TTN: variants seen among roughly 807,000 people sequenced by gnomAD.
TTN encodes the protein titin, also known as connectin.
Under a neutral mutation model 3,223.0 loss-of-function variants are expected in TTN, and 1,525 were observed. The ratio of observed to expected loss-of-function variants is 0.47; its 90% CI spans 0.45 to 0.49. TTN has a LOEUF of 0.49. TTN is among the 20% of genes least tolerant of loss of function. The pLI is 0.00. For synonymous variants in TTN, 14,094 were observed against 15,161.0 expected, an observed-to-expected ratio of 0.93 and a Z score of 5.17; for missense variants, 40,786 against 43,424.0, an observed-to-expected ratio of 0.94 and a Z score of 5.40.
rs876657614 is a variant in TTN, at chr2:178,774,928, A to T, written c.6783T>A (p.Ile2261=). The T allele has an allele frequency of 6.2e-7, 1 of 1,613,740 alleles. No individual in the cohort carries two copies. ...DENVKTTAKL[I]VEGAVVEFVK... ...TCCTTCGTTGTTGAATACCTTCAAC[A>T]ATAAGTTTAGCAGTCGTTTTGACAT... Residue 2261 remains isoleucine, a synonymous_variant, in exon 29 of 363, where the codon ATT becomes ATA. Coordinates refer to ENST00000589042, the MANE Select transcript of TTN (RefSeq NM_001267550.2).
chr2:178,764,594 TGCC>T lies in TTN; in HGVS notation c.9918_9920del (p.Ala3307del). ...CATTCTTGGCTTCACAGGTATAGAC[TGCC>T]GCATCCTCTGGGAAGGCTTCAATTA... On this transcript the variant is annotated inframe_deletion, in exon 42 of 363. Transcript: ENST00000589042. The T allele has an allele frequency of 6.2e-7, 1 of 1,614,160 alleles. No individual in the cohort carries two copies. Among genetic ancestry groups the T allele is most frequent in the South Asian group, 1.1e-5 (1 of 91,078 alleles).
In TTN at chr2:178,647,413, A is replaced by G. The variant is rs904655100; in HGVS notation, c.40109T>C (p.Ile13370Thr). 38 of 1,549,646 alleles carry G rather than the reference A, an allele frequency of 2.5e-5. No individual in the cohort carries two copies. The highest frequency in any genetic ancestry group is 2.4e-4 in the Admixed American group (12 of 50,926). Reference protein sequence around the residue: ...IIPEKEVSVPIPAEPEVPPAE... With the variant: ...IIPEKEVSVPTPAEPEVPPAE... Reference sequence around the variant, plus strand: ...AGGTGGAACTTCTGGCTCTGCAGGGATAGGCACAGACACTTCCTTTTCTGG... The same window carrying G: ...AGGTGGAACTTCTGGCTCTGCAGGGGTAGGCACAGACACTTCCTTTTCTGG... Residue 13370 changes from isoleucine to threonine, a missense_variant, in exon 214 of 363, where the codon ATC becomes ACC. Ile to Thr is a moderately conservative substitution (Grantham distance 89, BLOSUM62 -1). Transcript: ENST00000589042.
At chr2:178,757,969 C>T in intron 44 of TTN, 53 bp from the exon 45 acceptor site, 2 of 1,494,226 alleles carry the variant, frequency 1.3e-6, no homozygotes, top group East Asian at 4.6e-5. Flanking sequence ...GAAACCAGAA[C>T]TCATTTGGAG....
At chr2:178,674,480 C>G (rs2067622819) in intron 150 of TTN, 71 bp from the exon 151 acceptor site, 2 of 920,922 alleles carry the variant, frequency 2.2e-6, no homozygotes, top group South Asian at 4.0e-5. Flanking sequence ...GTGATAATAT[C>G]TGAAAACTGC....
chr2:178,697,147 G>A lies in TTN; in HGVS notation c.30776C>T (p.Pro10259Leu), dbSNP rs1237681440. 1 of 1,550,714 alleles carries A rather than the reference G, an allele frequency of 6.4e-7. No homozygotes were observed. The highest frequency in any genetic ancestry group is 2.4e-5 in the East Asian group (1 of 41,404). Residue 10259 changes from proline (P) to leucine (L), a missense_variant, in exon 113 of 363, where the codon CCT becomes CTT. Pro to Leu is a moderately conservative substitution (Grantham distance 98). Transcript: ENST00000589042. ...PREEIVKKPP[P>L]PTTLIPAKAP... The stretch of plus-strand genomic sequence containing the variant: ...TTTTGCTGGAATTAAGGTAGTAGGA[G>A]GTGGAGGCTTCTTGACAATCTCTGG...
Position 178,740,446 on chromosome 2 carries a change from A to C in TTN, c.12787T>G (p.Leu4263Val). Residue 4263 changes from leucine to valine, a missense_variant, in exon 48 of 363, where the codon TTG (leucine) becomes GTG (valine). By Grantham distance (32) the Leu-to-Val change is conservative. Transcript: ENST00000589042. ...TGTCCCTCAGCTAAGCTCTGACTCA[A>C]GATGAGCGCACTTTGTGCCTCTTGC... ...QKQEAQSALI[L>V]SQSLAEGHVE... 3 of 1,613,600 alleles carry C rather than the reference A, an allele frequency of 1.9e-6. No individual in the cohort carries two copies. The highest frequency in any genetic ancestry group is 2.5e-6 in the Non-Finnish European group (3 of 1,179,718).
chr2:178,625,542 T>C, intron 240 of TTN, 146 bp from the exon 241 acceptor site: 1 of 817,066 alleles, frequency 1.2e-6, no homozygotes, highest in Non-Finnish European at 1.7e-6. Flanking sequence ...AAAAATCATT[T>C]CAACCAATAG....
chr2:178,730,872 GGAA>G (rs1462874367), intron 60 of TTN, 50 bp downstream of exon 60: 1 of 1,533,352 alleles, frequency 6.5e-7, no homozygotes, highest in Admixed American at 2.1e-5. Flanking sequence ...AAATTTTAAG[GGAA>G]GAAGGAGCAT....
At position 178,533,821 on chromosome 2, in the gene TTN, T is replaced by C. The variant is rs1559030437; in HGVS notation, c.102794A>G (p.Tyr34265Cys). The C allele has an allele frequency of 5.0e-6, 8 of 1,614,002 alleles. No individual in the cohort carries two copies. The highest frequency in any genetic ancestry group is 6.8e-6 in the Non-Finnish European group (8 of 1,179,872). ...TTCACCTACATAAGCTGTCTTATTA[T>C]AGAGAGGCAGGGTAAATTCTGGTGG... ...ERPPEFTLPLYNKTAYVGENV... is the reference protein window; with the variant it reads ...ERPPEFTLPLCNKTAYVGENV... The change falls in exon 358 of 363, where the codon TAT (tyrosine) becomes TGT (cysteine). Residue 34265 changes from tyrosine to cysteine, a missense_variant. Coordinates refer to ENST00000589042, the MANE Select transcript of TTN (RefSeq NM_001267550.2).
intron 33 of TTN, among the ~76,000 whole-genome samples, chr2:178,771,752 A>G (rs956364005): frequency 6.6e-6 from 1 of 152,176 alleles, no homozygotes; most frequent in Non-Finnish European, 1.5e-5. Flanking sequence ...TACCACCAGG[A>G]TAGTCTCTAA....
At position 178,567,628 on chromosome 2, in the gene TTN, T is replaced by C; in HGVS notation, c.78504A>G (p.Ala26168=). 1 of 1,612,300 alleles carries C rather than the reference T, an allele frequency of 6.2e-7. No homozygotes were observed. The highest frequency in any genetic ancestry group is 8.5e-7 in the Non-Finnish European group (1 of 1,178,806). ...CAGAGGGTTTACTTATTGCACCAGC[T>C]GCATTCTTTGCAATGACTCTGAATT... ...RYEFRVIAKN[A]AGAISKPSDS... The change falls in exon 326 of 363, where the codon GCA becomes GCG. Residue 26168 remains alanine, a synonymous_variant. Transcript: ENST00000589042.
Position 178,689,515 on chromosome 2 carries a change from C to A in TTN, c.31927G>T (p.Val10643Leu). 1 of 1,608,810 alleles carries A rather than the reference C, an allele frequency of 6.2e-7. No homozygotes were observed. The highest frequency in any genetic ancestry group is 8.5e-7 in the Non-Finnish European group (1 of 1,176,974). The stretch of plus-strand genomic sequence containing the variant: ...ATTTCATGGAGATGGGATTAAGTAC[C>A]TGCTGGTGGTGGAGATTCCTCTCTT... ...TQREESPPPA[V>L]PEIPKKKVPE... Residue 10643 changes from valine (V) to leucine (L), a missense_variant and splice_region_variant, in exon 123 of 363, where the codon GTG becomes TTG. Coordinates refer to ENST00000589042, the MANE Select transcript of TTN (RefSeq NM_001267550.2).
intron 308 of TTN, 134 bp downstream of exon 308, chr2:178,586,371 G>T: frequency 2.8e-6 from 3 of 1,053,806 alleles, no homozygotes; most frequent in South Asian, 1.6e-5. Context: ...CCACTCATGT[G>T]TTTGAAAGCC....
At chr2:178,666,031 C>G (rs982840850) in intron 163 of TTN, among the ~76,000 whole-genome samples, 2 of 152,050 alleles carry the variant, frequency 1.3e-5, no homozygotes, top group Non-Finnish European at 2.9e-5. Flanking sequence ...AAAACTAGAT[C>G]ATGGAAAGTG....
In TTN at chr2:178,530,744, A is replaced by C. The variant is rs761215198; in HGVS notation, c.105871T>G (p.Phe35291Val). The change falls in exon 358 of 363, where the codon TTC (phenylalanine) becomes GTC (valine). Residue 35291 changes from phenylalanine to valine, a missense_variant. Phe to Val is a conservative substitution (Grantham distance 50, BLOSUM62 -1). Transcript: ENST00000589042. ...TCTTTAGAAGCTTCTGCTTTCAGGA[A>C]CTGAGTAATCTTTGGTGGGGCAGAG... Reference protein sequence around the residue: ...PVSAPPKITQFLKAEASKEIA... With the variant: ...PVSAPPKITQVLKAEASKEIA... 3.1e-6 allele frequency: 5 copies of C among 1,613,642 alleles called. No homozygotes were observed. The Admixed American group carries it at 8.3e-5, about 27-fold the overall frequency.
In TTN at chr2:178,721,160, G is replaced by A. The variant is rs2078299503; in HGVS notation, c.22859C>T (p.Ala7620Val). 1.2e-6 allele frequency: 2 copies of A among 1,607,466 alleles called. No individual in the cohort carries two copies. The highest frequency in any genetic ancestry group is 1.7e-6 in the Non-Finnish European group (2 of 1,175,302). The change falls in exon 79 of 363, where the codon GCA becomes GTA. Residue 7620 changes from alanine (A) to valine (V), a missense_variant. Ala to Val is a moderately conservative substitution (Grantham distance 64). Coordinates refer to ENST00000589042, the MANE Select transcript of TTN (RefSeq NM_001267550.2). Reference protein sequence around the residue: ...FVKKLEASKVAKQGESIQLEC... With the variant: ...FVKKLEASKVVKQGESIQLEC... Reference sequence around the variant, plus strand: ...CAGTTGAATGGATTCTCCCTGCTTTGCAACTTTTGAAGCTTCTAATTTCTT... The same window carrying A: ...CAGTTGAATGGATTCTCCCTGCTTTACAACTTTTGAAGCTTCTAATTTCTT...
intron 262 of TTN, 33 bp downstream of exon 262, chr2:178,614,019 C>CTTTTTTTTTTTTTTT: frequency 6.8e-7 from 1 of 1,468,172 alleles, no homozygotes; most frequent in Non-Finnish European, 9.3e-7. Flanking sequence ...CATAAGCATC[C>CTTTTTTTTTTTTTTT]TTTTTTTTTT....
At position 178,632,554 on chromosome 2, in the gene TTN, C is replaced by G; in HGVS notation, c.43452G>C (p.Lys14484Asn). Residue 14484 changes from lysine (K) to asparagine (N), a missense_variant, in exon 235 of 363, where the codon AAG (lysine) becomes AAC (asparagine). Lys to Asn is a moderately conservative substitution (Grantham distance 94). Coordinates refer to ENST00000589042, the MANE Select transcript of TTN (RefSeq NM_001267550.2). The stretch of plus-strand genomic sequence containing the variant: ...CAATGATCAGTTTGCCACTTGTGTG[C>G]TTATCTTCAGCTTCAAACATGTATT... ...EAKYMFEAED[K>N]HTSGKLIIEG... is the part of the protein sequence containing the mutation. 7 of 1,613,284 alleles carry G rather than the reference C, an allele frequency of 4.3e-6. No homozygotes were observed. Among genetic ancestry groups the G allele is most frequent in the Non-Finnish European group, 5.9e-6 (7 of 1,179,548 alleles).
At chr2:178,759,247 G>T in intron 43 of TTN, 75 bp from the exon 44 acceptor site, 2 of 1,450,704 alleles carry the variant, frequency 1.4e-6, no homozygotes, top group Non-Finnish European at 1.9e-6. Context: ...CAAACACAAT[G>T]TTAATAATAC....
Sources: allele counts gnomAD v4.1 joint callset (sites outside exome capture counted in the v4.1 genomes callset), GRCh38; gene constraint gnomAD v4.1.1; transcripts MANE v1.5; gene names NCBI Gene and HGNC (gene_info 2026-07-23, HGNC 2026-07-21).